CLVS1: variants seen among roughly 807,000 people sequenced by gnomAD.
CLVS1 encodes the protein clavesin-1.
CLVS1 carries 10 observed loss-of-function variants against 33.1 expected under a neutral mutation model. The observed-to-expected ratio is 0.30, with a 90% CI of 0.19 to 0.51. CLVS1 has a LOEUF of 0.51. Ranked by LOEUF, CLVS1 falls within the 20% of genes least tolerant of loss-of-function variation. The pLI, the probability that CLVS1 is intolerant of heterozygous loss-of-function variation, is 0.97. For synonymous variants in CLVS1, 163 were observed against 166.1 expected (o/e 0.98, Z 0.14); for missense variants, 343 against 433.4 (o/e 0.79, Z 1.85).
chr8:61,276,876 GA>G (rs1212157683), intron 2 of CLVS1, among the ~76,000 whole-genome samples: 1 of 152,222 alleles, frequency 6.6e-6, no homozygotes, highest in Non-Finnish European at 1.5e-5. Context: ...CTTAAAGGAA[GA>G]GAAGCTGGCT....
chr8:61,497,601 C>T (rs959990215), intron 5 of CLVS1, among the ~76,000 whole-genome samples: 2 of 152,138 alleles, frequency 1.3e-5, no homozygotes, highest in African/African-American at 2.4e-5. Flanking sequence ...ATTGTCCCTT[C>T]ATGGTTCATC....
chr8:61,027,039 A>T, the CLVS1 span, among the ~76,000 whole-genome samples: 36 of 152,188 alleles, frequency 2.4e-4, no homozygotes, highest in Non-Finnish European at 4.4e-5. Context: ...TTACTAATGG[A>T]TACAGGTCAT....
chr8:61,428,369 G>A (rs1341512924), intron 3 of CLVS1, among the ~76,000 whole-genome samples: 2 of 152,128 alleles, frequency 1.3e-5, no homozygotes, highest in African/African-American at 4.8e-5. Context: ...AGGAGAGAAA[G>A]AGCAAAATAA....
intron 2 of CLVS1, among the ~76,000 whole-genome samples, chr8:61,139,236 G>C (rs1481075521): frequency 6.6e-6 from 1 of 152,294 alleles, no homozygotes; most frequent in Admixed American, 6.5e-5. Context: ...ACGAACGAGG[G>C]AGCGCCCGCG....
rs185743366 is a variant in CLVS1 at position 61,337,714 on chromosome 8, T to G, written c.455+37432T>G. Among the ~76,000 whole-genome samples, 115 of 152,274 alleles carry G rather than the reference T, an allele frequency of 7.6e-4. 1 individual carries two copies. In the Middle Eastern group the frequency reaches 0.014, roughly 18 times the overall value. ...AGGGTGGCTATCGTGATTTTTATTT[T>G]CAAAAGGAGGAAACTGAACACCAGA... On this transcript the variant is annotated intron_variant, in intron 2 of 5. Coordinates refer to ENST00000325897, the MANE Select transcript of CLVS1 (RefSeq NM_173519.3).
intron 2 of CLVS1, among the ~76,000 whole-genome samples, chr8:61,207,247 G>A (rs1807869508): frequency 6.6e-6 from 1 of 152,260 alleles, no homozygotes; most frequent in African/African-American, 2.4e-5. Flanking sequence ...ATGGGCTTAA[G>A]TGAAGTTCAG....
intron 2 of CLVS1, among the ~76,000 whole-genome samples, chr8:61,162,916 G>T (rs1806780412): frequency 6.6e-6 from 1 of 152,312 alleles, no homozygotes; most frequent in East Asian, 1.9e-4. Flanking sequence ...CAGATGGCCA[G>T]TCTGAAAGGC....
chr8:61,258,608 G>A (rs900935605), intron 2 of CLVS1, among the ~76,000 whole-genome samples: 29 of 152,220 alleles, frequency 1.9e-4, no homozygotes, highest in African/African-American at 6.5e-4. Context: ...CATCTTATCC[G>A]AGACTCCAGA....
intron 2 of CLVS1, among the ~76,000 whole-genome samples, chr8:61,212,302 G>A (rs573176196): frequency 6.6e-6 from 1 of 152,300 alleles, no homozygotes; most frequent in South Asian, 2.1e-4. Flanking sequence ...CGGATCAAAC[G>A]GCAACAGAGG....
intron 1 of CLVS1, among the ~76,000 whole-genome samples, chr8:61,099,352 T>C (rs1179124550): frequency 2.0e-5 from 3 of 151,964 alleles, no homozygotes; most frequent in African/African-American, 7.3e-5. Flanking sequence ...AGTAGCAAAT[T>C]CAATGGGAAG....
intron 2 of CLVS1, among the ~76,000 whole-genome samples, chr8:61,247,693 A>C (rs1283880253): frequency 6.6e-6 from 1 of 152,224 alleles, no homozygotes; most frequent in Non-Finnish European, 1.5e-5. Context: ...GCTGGATATT[A>C]GACCTTTGTC....
At chr8:60,973,680 G>A in the CLVS1 span, among the ~76,000 whole-genome samples, 1 of 152,170 alleles carries the variant, frequency 6.6e-6, no homozygotes, top group East Asian at 1.9e-4. Flanking sequence ...TTATATGTTG[G>A]CATGCTTCTG....
At chr8:61,420,370 C>T (rs7003252) in intron 3 of CLVS1, among the ~76,000 whole-genome samples, 3,649 of 152,228 alleles carry the variant, frequency 0.024, 160 homozygotes, top group African/African-American at 0.083. Flanking sequence ...GAGGCTGAGG[C>T]AGGCAGATCA....
the CLVS1 span, among the ~76,000 whole-genome samples, chr8:60,996,830 C>T: frequency 6.6e-6 from 1 of 152,136 alleles, no homozygotes; most frequent in African/African-American, 2.4e-5. Context: ...ACCTCTGACT[C>T]TCCAAGGCCT....
At chr8:61,171,824 A>T (rs1369883082) in intron 2 of CLVS1, among the ~76,000 whole-genome samples, 1 of 152,194 alleles carries the variant, frequency 6.6e-6, no homozygotes. Context: ...AACGATATGG[A>T]CGAGAAATAC....
intron 2 of CLVS1, among the ~76,000 whole-genome samples, chr8:61,324,867 C>A (rs967343663): frequency 6.6e-6 from 1 of 152,058 alleles, no homozygotes; most frequent in African/African-American, 2.4e-5. Context: ...AACAGTAATT[C>A]TTTATCTAGA....
chr8:60,992,933 A>C, the CLVS1 span, among the ~76,000 whole-genome samples: 1 of 152,224 alleles, frequency 6.6e-6, no homozygotes, highest in Non-Finnish European at 1.5e-5. Context: ...AACTCAGTGG[A>C]GGAGCCCTGT....
At position 61,454,256 on chromosome 8, in the gene CLVS1, T is replaced by G; in HGVS notation, c.741+5T>G. The G allele has an allele frequency of 6.3e-7, 1 of 1,582,004 alleles. No individual in the cohort carries two copies. The highest frequency in any genetic ancestry group is 8.7e-7 in the Non-Finnish European group (1 of 1,150,692). ...AAAGACAAGACCAGGAAACGGGTAA[T>G]GAAAACAAATGCATCATGTAAATTC... On this transcript the variant is annotated splice_donor_5th_base_variant and intron_variant, in intron 4 of 5. Coordinates refer to ENST00000325897, the MANE Select transcript of CLVS1 (RefSeq NM_173519.3).
chr8:61,116,501 T>G (rs1805727106), intron 1 of CLVS1, among the ~76,000 whole-genome samples: 1 of 152,250 alleles, frequency 6.6e-6, no homozygotes, highest in Admixed American at 6.5e-5. Context: ...TTTATGGTTT[T>G]AGGTCTAACA....
Sources: gnomAD v4.1 joint callset for allele counts (sites outside exome capture counted in the v4.1 genomes callset) on GRCh38, gnomAD v4.1.1 for gene constraint, MANE v1.5 for transcripts, NCBI Gene and HGNC (gene_info 2026-07-23, HGNC 2026-07-21) for gene names.